Variants in CDC14B observed in about 807,000 individuals in gnomAD.
CDC14B encodes the protein dual specificity protein phosphatase CDC14B.
CDC14B carries 22 observed loss-of-function variants against 64.2 expected under a neutral mutation model. The observed-to-expected ratio is 0.34, with a 90% CI of 0.24 to 0.49. The LOEUF (loss-of-function observed/expected upper bound fraction) is 0.49. CDC14B is among the 20% of genes least tolerant of loss of function. The pLI is 0.99. For synonymous variants in CDC14B, 191 were observed against 215.8 expected (o/e 0.89, Z 1.01); for missense variants, 498 against 629.9 (o/e 0.79, Z 2.24).
At chr9:96,534,596 T>C in intron 7 of CDC14B, 54 bp from the exon 8 acceptor site, 1 of 1,178,478 alleles carries the variant, frequency 8.5e-7, no homozygotes, top group Non-Finnish European at 1.3e-6. Context: ...CCCCACAACC[T>C]CTCTACTCAA....
chr9:96,495,111 G>A (rs1833194005), downstream of CDC14B, among the ~76,000 whole-genome samples: 1 of 152,048 alleles, frequency 6.6e-6, no homozygotes, highest in South Asian at 2.1e-4. Context: ...TGGGATTACA[G>A]GCGTGAGCCA....
In CDC14B at chr9:96,524,243, C is replaced by T. The variant is rs16911096; in HGVS notation, c.947-518G>A. Among the ~76,000 whole-genome samples, 18 of 152,350 alleles carry T rather than the reference C, an allele frequency of 1.2e-4. No homozygotes were observed. In the South Asian group the frequency reaches 3.5e-3, roughly 30 times the overall value. ...ACTTGAGCCACCACGCCTGGCCTTACGCCAAGAATTTAGATTTAACTGGTA... is the reference window on the plus strand; with the variant it reads ...ACTTGAGCCACCACGCCTGGCCTTATGCCAAGAATTTAGATTTAACTGGTA... On this transcript the variant is annotated intron_variant, in intron 9 of 13. Coordinates refer to ENST00000375241, the MANE Select transcript of CDC14B (RefSeq NM_033331.4).
chr9:96,589,000 T>C (rs569880479), intron 1 of CDC14B, among the ~76,000 whole-genome samples: 8 of 152,292 alleles, frequency 5.3e-5, no homozygotes, highest in African/African-American at 1.7e-4. Context: ...GTTAAATCTT[T>C]CTGTAGAATG....
chr9:96,506,187 A>C (rs1045800228), intron 13 of CDC14B, among the ~76,000 whole-genome samples: 3 of 151,198 alleles, frequency 2.0e-5, no homozygotes, highest in Non-Finnish European at 4.4e-5. Context: ...AGGGTGCTCT[A>C]TTTTTTTTTC....
exon 14 of CDC14B, chr9:96,493,155 CG>C (rs1394603429): frequency 1.3e-5 from 2 of 152,356 alleles, no homozygotes; most frequent in Non-Finnish European, 2.9e-5. Context: ...GCTGAGCCTG[CG>C]TCTCCGAAGC....
Position 96,503,326 on chromosome 9 carries a change from CTT to C in CDC14B, c.*425_*426del. On this transcript the variant is annotated 3_prime_UTR_variant, in exon 14 of 14. Transcript: ENST00000375241. The stretch of plus-strand genomic sequence containing the variant: ...ACCATTTCAGTAATGCCTTTTGTAT[CTT>C]TATAAATTTTGACACAGGGTCACAA... 1 of 196,624 alleles carries C rather than the reference CTT, an allele frequency of 5.1e-6. No homozygotes were observed. The highest frequency in any genetic ancestry group is 1.0e-5 in the Non-Finnish European group (1 of 98,566). 12.2% of individuals were successfully genotyped at this position (196,624 alleles called of 1,614,324 possible). A position where few individuals can be genotyped will look rare whatever the true frequency, so the allele number is the denominator to read the frequency against.
At chr9:96,498,623 A>C (rs1302669953), downstream of CDC14B, among the ~76,000 whole-genome samples, 1 of 152,222 alleles carries the variant, frequency 6.6e-6, no homozygotes, top group African/African-American at 2.4e-5. Flanking sequence ...AAAATATCAG[A>C]AACTGAGGGA....
chr9:96,598,036 G>A (rs533935863), intron 1 of CDC14B, among the ~76,000 whole-genome samples: 3 of 152,128 alleles, frequency 2.0e-5, no homozygotes, highest in Non-Finnish European at 2.9e-5. Context: ...ACTTTGTGTG[G>A]CAAACACAAA....
At chr9:96,517,495 A>G (rs1323245069) in intron 12 of CDC14B, among the ~76,000 whole-genome samples, 3 of 150,056 alleles carry the variant, frequency 2.0e-5, no homozygotes, top group Non-Finnish European at 4.4e-5. Context: ...TACTAAAAAT[A>G]CAAAAAATTA....
At chr9:96,532,980 T>G in intron 9 of CDC14B, among the ~76,000 whole-genome samples, 1 of 152,138 alleles carries the variant, frequency 6.6e-6, no homozygotes, top group East Asian at 1.9e-4. Flanking sequence ...GATTTATTTC[T>G]TCTTCTTTTT....
At chr9:96,513,302 C>T (rs944138456) in intron 12 of CDC14B, among the ~76,000 whole-genome samples, 16 of 152,278 alleles carry the variant, frequency 1.1e-4, no homozygotes, top group East Asian at 9.6e-4. Flanking sequence ...CTGATGAAAT[C>T]GGGGTTGGGG....
At chr9:96,579,974 A>C in intron 1 of CDC14B, among the ~76,000 whole-genome samples, 1 of 152,190 alleles carries the variant, frequency 6.6e-6, no homozygotes, top group East Asian at 1.9e-4. Context: ...TTATATAACA[A>C]GGACTATATA....
intron 1 of CDC14B, among the ~76,000 whole-genome samples, chr9:96,586,325 T>C (rs1845455518): frequency 6.6e-6 from 1 of 152,224 alleles, no homozygotes; most frequent in Non-Finnish European, 1.5e-5. Flanking sequence ...TAAATGACAT[T>C]GCAACTTTAA....
intron 9 of CDC14B, among the ~76,000 whole-genome samples, chr9:96,529,312 G>C (rs1468143500): frequency 6.6e-6 from 1 of 152,080 alleles, no homozygotes; most frequent in Non-Finnish European, 1.5e-5. Context: ...GGTTTTCCCA[G>C]CACCATTTGT....
chr9:96,600,835 C>T (rs1846389263), intron 1 of CDC14B, among the ~76,000 whole-genome samples: 1 of 152,084 alleles, frequency 6.6e-6, no homozygotes, highest in Non-Finnish European at 1.5e-5. Flanking sequence ...TAAACTATAA[C>T]AGCAATCCAT....
At chr9:96,540,761 T>C (rs1237443662) in intron 6 of CDC14B, among the ~76,000 whole-genome samples, 1 of 152,058 alleles carries the variant, frequency 6.6e-6, no homozygotes, top group African/African-American at 2.4e-5. Context: ...AACCAGAAGG[T>C]ACCATTTACA....
chr9:96,569,367 C>T (rs111399444), intron 1 of CDC14B, among the ~76,000 whole-genome samples: 2,596 of 152,100 alleles, frequency 0.017, 79 homozygotes, highest in African/African-American at 0.06. Flanking sequence ...CAGTTTCTTT[C>T]AAAAAACCCA....
At chr9:96,553,940 C>T (rs1309419342) in intron 4 of CDC14B, among the ~76,000 whole-genome samples, 1 of 151,976 alleles carries the variant, frequency 6.6e-6, no homozygotes, top group Non-Finnish European at 1.5e-5. Context: ...CCATCACAGG[C>T]AGATCACGAG....
intron 1 of CDC14B, among the ~76,000 whole-genome samples, chr9:96,571,779 T>G (rs187737051): frequency 6.6e-5 from 10 of 152,258 alleles, no homozygotes; most frequent in Non-Finnish European, 1.5e-4. Context: ...TTTGATGTTT[T>G]CCTGCTCTCC....
Sources: gnomAD v4.1 joint callset for allele counts (sites outside exome capture counted in the v4.1 genomes callset) on GRCh38, gnomAD v4.1.1 for gene constraint, MANE v1.5 for transcripts, NCBI Gene and HGNC (gene_info 2026-07-23, HGNC 2026-07-21) for gene names.